CSPG4: variants seen among roughly 807,000 people sequenced by gnomAD.
CSPG4 encodes chondroitin sulfate proteoglycan 4.
CSPG4 carries 74 observed loss-of-function variants against 139.3 expected under a neutral mutation model. The ratio of observed to expected loss-of-function variants is 0.53; its 90% CI spans 0.44 to 0.64. The LOEUF is 0.64. Ranked by LOEUF, CSPG4 falls within the 30% of genes least tolerant of loss-of-function variation. The probability of loss-of-function intolerance (pLI) is 0.00; values close to 1 mark genes in which losing one functional copy is unlikely to be tolerated. For synonymous variants in CSPG4, 1,234 were observed against 1,394.2 expected (o/e 0.89, Z 2.56); for missense variants, 2,565 against 3,148.3 (o/e 0.81, Z 4.43).
At position 75,685,487 on chromosome 15, in the gene CSPG4, T is replaced by C. The variant is rs577828073; in HGVS notation, c.4004A>G (p.Asp1335Gly). The stretch of plus-strand genomic sequence containing the variant: ...GGGAGCACCCAGGCCTGAGGCCACA[T>C]CCAGCGAGAAGGCATCGCTCCAGGC... ...PEAWSDAFSL[D>G]VASGLGAPLE... Residue 1335 changes from aspartate to glycine, a missense_variant, in exon 4 of 10, where the codon GAT becomes GGT. Coordinates refer to ENST00000308508, the MANE Select transcript of CSPG4 (RefSeq NM_001897.5). 2 of 1,611,778 alleles carry C rather than the reference T, an allele frequency of 1.2e-6. No homozygotes were observed. The highest frequency in any genetic ancestry group is 2.7e-5 in the African/African-American group (2 of 75,018).
In CSPG4 at chr15:75,685,423, A is replaced by G. The variant is rs767880349; in HGVS notation, c.4068T>C (p.Ala1356=). ...AGTTTTGCGCCTCTAGTGGGATGGC[A>G]GCGGGCAGCACCTCCAGCTCCACAA... is the stretch of plus-strand genomic sequence containing the variant. ...GVLVELEVLP[A]AIPLEAQNFS... Residue 1356 remains alanine, a synonymous_variant, in exon 4 of 10, where the codon GCT becomes GCC. Transcript: ENST00000308508. The G allele has an allele frequency of 6.2e-7, 1 of 1,612,246 alleles. No individual in the cohort carries two copies. Among genetic ancestry groups the G allele is most frequent in the Non-Finnish European group, 8.5e-7 (1 of 1,179,890 alleles).
chr15:75,708,707 C>G (rs1032826719), intron 1 of CSPG4, among the ~76,000 whole-genome samples: 41 of 152,214 alleles, frequency 2.7e-4, no homozygotes, highest in Non-Finnish European at 4.8e-4. Context: ...CTGCTTTTCT[C>G]TGAGCCTCAG....
At chr15:75,710,046 A>C (rs1348623386) in intron 1 of CSPG4, among the ~76,000 whole-genome samples, 1 of 151,880 alleles carries the variant, frequency 6.6e-6, no homozygotes. Flanking sequence ...CCTCAGAGGC[A>C]GCAGGATCTA....
At chr15:75,704,526 T>TG (rs1411668170) in intron 1 of CSPG4, among the ~76,000 whole-genome samples, 1 of 151,986 alleles carries the variant, frequency 6.6e-6, no homozygotes, top group Non-Finnish European at 1.5e-5. Context: ...AACATGTGGG[T>TG]GGGGGGCCTG....
At chr15:75,706,454 C>T (rs546436215) in intron 1 of CSPG4, among the ~76,000 whole-genome samples, 44 of 152,136 alleles carry the variant, frequency 2.9e-4, no homozygotes, top group African/African-American at 1.0e-3. Flanking sequence ...TGTGTGTGTG[C>T]ACACACACGC....
In CSPG4 at chr15:75,677,083, C is replaced by T; in HGVS notation, c.5436G>A (p.Val1812=). The T allele has an allele frequency of 7.1e-7, 1 of 1,417,558 alleles. No homozygotes were observed. Among genetic ancestry groups the T allele is most frequent in the Admixed American group, 2.8e-5 (1 of 35,156 alleles). The allele number at this position is 1,417,558 out of a possible 1,614,324, so 87.8% of individuals were successfully genotyped here. The part of the protein sequence containing the change: ...AHLQGPAGAS[V]AGPQTSEAFA... The stretch of plus-strand genomic sequence containing the variant: ...AGGCCTCTGAGGTTTGGGGTCCAGC[C>T]ACGGAGGCCCCTGCTGGCCCCTGGA... The change falls in exon 10 of 10, where the codon GTG becomes GTA. Residue 1812 remains valine, a synonymous_variant. Coordinates refer to ENST00000308508, the MANE Select transcript of CSPG4 (RefSeq NM_001897.5).
Position 75,690,507 on chromosome 15 carries a change from G to A in CSPG4, c.558C>T (p.Pro186=), listed in dbSNP as rs554682228. 686 of 1,609,650 alleles carry A rather than the reference G, an allele frequency of 4.3e-4. 8 individuals carry two copies. The South Asian group carries it at 7.1e-3, about 17-fold the overall frequency. The change falls in exon 3 of 10, where the codon CCC becomes CCT. Residue 186 remains proline, a synonymous_variant. Transcript: ENST00000308508. The part of the protein sequence containing the change: ...NGRSLLRPLT[P]DVHEGCAEEF... The stretch of plus-strand genomic sequence containing the variant: ...CTTCAGCACAGCCCTCATGCACATC[G>A]GGGGTCAGAGGCCGGAGGAGGCTGC...
intron 8 of CSPG4, among the ~76,000 whole-genome samples, chr15:75,681,383 T>C (rs2141423782): frequency 1.3e-5 from 2 of 152,262 alleles, no homozygotes; most frequent in South Asian, 4.1e-4. Context: ...GGGTGGGCTC[T>C]GCCATTTTTT....
At chr15:75,712,044 G>T (rs1010848385) in intron 1 of CSPG4, among the ~76,000 whole-genome samples, 8 of 150,258 alleles carry the variant, frequency 5.3e-5, no homozygotes, top group African/African-American at 9.9e-5. Flanking sequence ...AGTGGGTGGG[G>T]GGTCCTGCCT....
Position 75,689,993 on chromosome 15 carries a change from G to A in CSPG4, c.1072C>T (p.Leu358Phe), listed in dbSNP as rs764043137. ...NASLLGCMED[L>F]SVNGQRRGLR... ...CCCCGCCTCTGGCCATTGACACTGA[G>A]GTCTTCCATGCAGCCCAGCAGGGAG... The change falls in exon 3 of 10, where the codon CTC becomes TTC. Residue 358 changes from leucine to phenylalanine, a missense_variant. Coordinates refer to ENST00000308508, the MANE Select transcript of CSPG4 (RefSeq NM_001897.5). 1 of 1,612,018 alleles carries A rather than the reference G, an allele frequency of 6.2e-7. No individual in the cohort carries two copies.
chr15:75,682,005 C>T (rs910810216), intron 8 of CSPG4, among the ~76,000 whole-genome samples: 4 of 152,162 alleles, frequency 2.6e-5, no homozygotes. Flanking sequence ...CCCTCGGGTC[C>T]GGCTGTAGCT....
In CSPG4 at chr15:75,688,956, G is replaced by A. The variant is rs1349447477; in HGVS notation, c.2109C>T (p.Val703=). The A allele has an allele frequency of 3.1e-6, 5 of 1,612,570 alleles. No homozygotes were observed. Among genetic ancestry groups the A allele is most frequent in the African/African-American group, 1.3e-5 (1 of 75,046 alleles). The change falls in exon 3 of 10, where the codon GTC becomes GTT. Residue 703 remains valine (V), a synonymous_variant. Coordinates refer to ENST00000308508, the MANE Select transcript of CSPG4 (RefSeq NM_001897.5). The part of the protein sequence containing the change: ...VGQDVSVLFR[V]TGALQFGELQ... Reference sequence around the variant, plus strand: ...GCTCCCCAAACTGCAGGGCCCCAGTGACGCGGAACAGCACGCTCACATCCT... The same window carrying A: ...GCTCCCCAAACTGCAGGGCCCCAGTAACGCGGAACAGCACGCTCACATCCT...
chr15:75,712,690 C>G lies in CSPG4; in HGVS notation c.66G>C (p.Met22Ile). ...PGLALALTLT[M>I]LARLASAASF... ...CACCCGCGGATGCAAGTCTGGCCAA[C>G]ATAGTCAGGGTCAAAGCCAAGGCCA... is the stretch of plus-strand genomic sequence containing the variant. Residue 22 changes from methionine (M) to isoleucine (I), a missense_variant, in exon 1 of 10, where the codon ATG (methionine) becomes ATC (isoleucine). Physicochemically the swap from Met to Ile is conservative, Grantham distance 10. This residue lies in a region of CSPG4 where 47 missense variants were observed against 48.7 expected (regional missense o/e 0.97). Transcript: ENST00000308508. 6.4e-7 allele frequency: 1 copy of G among 1,565,876 alleles called. No homozygotes were observed. The highest frequency in any genetic ancestry group is 2.3e-5 in the East Asian group (1 of 42,870).
Position 75,675,297 on chromosome 15 carries a change from A to T in CSPG4, c.*253T>A. On this transcript the variant is annotated 3_prime_UTR_variant, in exon 10 of 10. Coordinates refer to ENST00000308508, the MANE Select transcript of CSPG4 (RefSeq NM_001897.5). ...CCCAAACCAGCTCCAGGGCAGGAGG[A>T]CTGAACTTAAGCCTGCCTCCACCTT... is the stretch of plus-strand genomic sequence containing the variant. The T allele has an allele frequency of 2.6e-6, 1 of 377,918 alleles. No individual in the cohort carries two copies. Among genetic ancestry groups the T allele is most frequent in the Non-Finnish European group, 4.6e-6 (1 of 215,066 alleles). The allele number at this position is 377,918 out of a possible 1,614,324, so 23.4% of individuals were successfully genotyped here. A position where few individuals can be genotyped will look rare whatever the true frequency, so the allele number is the denominator to read the frequency against.
intron 1 of CSPG4, among the ~76,000 whole-genome samples, chr15:75,700,940 A>G (rs1353898212): frequency 6.6e-6 from 1 of 152,140 alleles, no homozygotes; most frequent in African/African-American, 2.4e-5. Flanking sequence ...CACCCCACAG[A>G]CAGAAGTCCA....
chr15:75,690,521 G>C lies in CSPG4; in HGVS notation c.544C>G (p.Arg182Gly). 1 of 1,609,628 alleles carries C rather than the reference G, an allele frequency of 6.2e-7. No individual in the cohort carries two copies. ...TCATGCACATCGGGGGTCAGAGGCC[G>C]GAGGAGGCTGCGGCCATTGAGGGTG... is the stretch of plus-strand genomic sequence containing the variant. ...AATLNGRSLL[R>G]PLTPDVHEGC... Residue 182 changes from arginine (R) to glycine (G), a missense_variant, in exon 3 of 10, where the codon CGG becomes GGG. Coordinates refer to ENST00000308508, the MANE Select transcript of CSPG4 (RefSeq NM_001897.5).
At chr15:75,703,986 G>C (rs12440052) in intron 1 of CSPG4, among the ~76,000 whole-genome samples, 2 of 55,042 alleles carry the variant, frequency 3.6e-5, no homozygotes, top group Non-Finnish European at 7.6e-5. Flanking sequence ...GAAGATGGGA[G>C]CCGGGGGTGG....
rs1894105240 is a variant in CSPG4, at chr15:75,688,753, C to T, written c.2312G>A (p.Ser771Asn). 2 of 1,612,498 alleles carry T rather than the reference C, an allele frequency of 1.2e-6. No homozygotes were observed. The highest frequency in any genetic ancestry group is 8.5e-7 in the Non-Finnish European group (1 of 1,179,696). ...GATGGTCACTGGGAAGGACAGATTG[C>T]TCAGGATCTCCTGGCCCACCTGCAC... ...LEVQVGQEIL[S>N]NLSFPVTIQR... Residue 771 changes from serine to asparagine, a missense_variant, in exon 3 of 10, where the codon AGC becomes AAC. This residue lies in a region of CSPG4 where 2,316 missense variants were observed against 2,818.2 expected (regional missense o/e 0.82). Transcript: ENST00000308508.
chr15:75,712,853 C>T, upstream of CSPG4: 1 of 1,048,362 alleles, frequency 9.5e-7, no homozygotes, highest in Non-Finnish European at 1.3e-6. Flanking sequence ...GGGCGCGGGC[C>T]GGCTCCGGGT....
Sources: allele counts gnomAD v4.1 joint callset (sites outside exome capture counted in the v4.1 genomes callset), GRCh38; gene constraint gnomAD v4.1.1; regional missense constraint gnomAD v4.1.1; transcripts MANE v1.5; gene names NCBI Gene and HGNC (gene_info 2026-07-23, HGNC 2026-07-21).